TEKT1: variants seen among roughly 807,000 people sequenced by gnomAD.
TEKT1 encodes the protein tektin 1.
Under a neutral mutation model 34.8 loss-of-function variants are expected in TEKT1, and 32 were observed. The ratio of observed to expected loss-of-function variants is 0.92; its 90% CI spans 0.69 to 1.23. The LOEUF (loss-of-function observed/expected upper bound fraction) is 1.23. Among genes scored for constraint, TEKT1 ranks in the 50% most tolerant of loss-of-function variants. TEKT1 has a pLI of 0.00. For missense variants in TEKT1, 492 were observed against 518.5 expected (o/e 0.95, Z 0.50); for synonymous variants, 207 against 199.8 (o/e 1.04, Z -0.30).
At chr17:6,812,731 A>G in intron 6 of TEKT1, 100 bp downstream of exon 6, 3 of 1,161,352 alleles carry the variant, frequency 2.6e-6, no homozygotes, top group Non-Finnish European at 2.5e-6. Context: ...CAATATCCCA[A>G]GCCCAGAAGT....
intron 4 of TEKT1, 138 bp from the exon 5 acceptor site, chr17:6,815,444 A>T: frequency 9.9e-7 from 1 of 1,005,510 alleles, no homozygotes; most frequent in Non-Finnish European, 1.5e-6. Context: ...CATCACCCCA[A>T]CACTCATGCG....
At chr17:6,829,823 G>A (rs977168316) in intron 2 of TEKT1, among the ~76,000 whole-genome samples, 4 of 151,696 alleles carry the variant, frequency 2.6e-5, no homozygotes, top group Non-Finnish European at 5.9e-5. Flanking sequence ...TGGATACAAA[G>A]GGCTGACTGT....
At chr17:6,809,074 C>T (rs1976889648) in intron 6 of TEKT1, among the ~76,000 whole-genome samples, 1 of 152,110 alleles carries the variant, frequency 6.6e-6, no homozygotes, top group Admixed American at 6.5e-5. Flanking sequence ...GCTTTCTCCC[C>T]CCATCCAGGT....
In TEKT1 at chr17:6,800,741, G is replaced by A; in HGVS notation, c.1049+6C>T. On this transcript the variant is annotated splice_donor_region_variant and intron_variant, in intron 7 of 7. Transcript: ENST00000338694. ...AAGGCCCTCTGCCCACTGGCTGCTAGCCTACCTTGCGACATTGTGGGTGAT... is the reference window on the plus strand; with the variant it reads ...AAGGCCCTCTGCCCACTGGCTGCTAACCTACCTTGCGACATTGTGGGTGAT... 6.2e-7 allele frequency: 1 copy of A among 1,607,532 alleles called. No individual in the cohort carries two copies. Among genetic ancestry groups the A allele is most frequent in the Non-Finnish European group, 8.5e-7 (1 of 1,175,472 alleles).
chr17:6,802,715 G>A (rs1185553957), intron 6 of TEKT1, among the ~76,000 whole-genome samples: 2 of 147,092 alleles, frequency 1.4e-5, no homozygotes, highest in South Asian at 2.1e-4. Flanking sequence ...TCCCACCTAT[G>A]AGTGAGAACA....
At position 6,831,665 on chromosome 17, in the gene TEKT1, A is replaced by G. The variant is rs1187749250; in HGVS notation, c.-34T>C. ...TTTACTTACCTCAGCGCCACACAGAACCACTACGCAAGCTCGGGATGGGAG... is the reference window on the plus strand; with the variant it reads ...TTTACTTACCTCAGCGCCACACAGAGCCACTACGCAAGCTCGGGATGGGAG... On this transcript the variant is annotated 5_prime_UTR_variant, in exon 1 of 8. Transcript: ENST00000338694. 1 of 152,114 alleles carries G rather than the reference A, an allele frequency of 6.6e-6. No homozygotes were observed. The highest frequency in any genetic ancestry group is 1.9e-4 in the East Asian group (1 of 5,172). The allele number at this position is 152,114 out of a possible 1,614,324, so 9.4% of individuals were successfully genotyped here. A position where few individuals can be genotyped will look rare whatever the true frequency, so the allele number is the denominator to read the frequency against.
chr17:6,828,689 C>T (rs1435456763), intron 2 of TEKT1, among the ~76,000 whole-genome samples: 1 of 152,094 alleles, frequency 6.6e-6, no homozygotes, highest in African/African-American at 2.4e-5. Flanking sequence ...CCTGCTTGGT[C>T]CCTATAGATA....
In TEKT1 at chr17:6,830,382, G is replaced by A; in HGVS notation, c.-6C>T. 1 of 1,553,776 alleles carries A rather than the reference G, an allele frequency of 6.4e-7. No homozygotes were observed. Among genetic ancestry groups the A allele is most frequent in the Non-Finnish European group, 8.6e-7 (1 of 1,156,462 alleles). On this transcript the variant is annotated 5_prime_UTR_variant, in exon 2 of 8. Transcript: ENST00000338694. Reference sequence around the variant, plus strand: ...GGTTGTAATAGTTTAGCCATTTGAGGTTTCCAAATTCCTGATCAAAAGCAG... The same window carrying A: ...GGTTGTAATAGTTTAGCCATTTGAGATTTCCAAATTCCTGATCAAAAGCAG...
chr17:6,816,137 C>T (rs1444866270), intron 3 of TEKT1, among the ~76,000 whole-genome samples, 175 bp from the exon 4 acceptor site: 2 of 152,200 alleles, frequency 1.3e-5, no homozygotes, highest in South Asian at 2.1e-4. Context: ...TTCAAAATAT[C>T]CAAACACAAT....
At chr17:6,815,765 G>GA in intron 4 of TEKT1, 69 bp downstream of exon 4, 1 of 1,596,828 alleles carries the variant, frequency 6.3e-7, no homozygotes, top group Non-Finnish European at 8.5e-7. Context: ...ATGGAGCCCA[G>GA]CTTTTGTGGA....
chr17:6,817,820 A>G (rs775185277), intron 3 of TEKT1, among the ~76,000 whole-genome samples: 3 of 152,248 alleles, frequency 2.0e-5, no homozygotes, highest in Non-Finnish European at 4.4e-5. Context: ...CAAATGAGCT[A>G]TAAAAGCATA....
intron 1 of TEKT1, among the ~76,000 whole-genome samples, chr17:6,831,435 T>G (rs952778522): frequency 6.6e-5 from 10 of 152,128 alleles, no homozygotes; most frequent in African/African-American, 1.9e-4. Flanking sequence ...ACATGGAGTT[T>G]CTCCGTTTCT....
At chr17:6,831,515 G>A (rs558277264) in intron 1 of TEKT1, 134 bp downstream of exon 1, 5 of 152,164 alleles carry the variant, frequency 3.3e-5, no homozygotes, top group African/African-American at 9.7e-5. Flanking sequence ...TTAACCCAAG[G>A]CTCCTGGATA....
chr17:6,826,358 G>T (rs1048831513), intron 2 of TEKT1, among the ~76,000 whole-genome samples: 2 of 152,040 alleles, frequency 1.3e-5, no homozygotes, highest in African/African-American at 4.8e-5. Flanking sequence ...GGATTTGTCA[G>T]ATATATATAT....
Position 6,815,313 on chromosome 17 carries a change from G to A in TEKT1, c.486-7C>T, listed in dbSNP as rs766269849. ...CTTGGCAGAGCGGTTCATCCTGAAGGGAGAAAGTAAACTGGGTTTCTGCCT... is the reference window on the plus strand; with the variant it reads ...CTTGGCAGAGCGGTTCATCCTGAAGAGAGAAAGTAAACTGGGTTTCTGCCT... On this transcript the variant is annotated splice_region_variant and splice_polypyrimidine_tract_variant and intron_variant, in intron 4 of 7. Coordinates refer to ENST00000338694, the MANE Select transcript of TEKT1 (RefSeq NM_053285.2). 9 of 1,614,150 alleles carry A rather than the reference G, an allele frequency of 5.6e-6. No individual in the cohort carries two copies. In the South Asian group the frequency reaches 9.9e-5, roughly 18 times the overall value.
chr17:6,829,547 T>C (rs1366499179), intron 2 of TEKT1, among the ~76,000 whole-genome samples: 2 of 150,218 alleles, frequency 1.3e-5, no homozygotes, highest in African/African-American at 4.9e-5. Context: ...AGGGTCTTGG[T>C]ATATCACCCA....
At position 6,812,884 on chromosome 17, in the gene TEKT1, C is replaced by G. The variant is rs760080856; in HGVS notation, c.799G>C (p.Gly267Arg). 23 of 1,614,064 alleles carry G rather than the reference C, an allele frequency of 1.4e-5. No individual in the cohort carries two copies. The highest frequency in any genetic ancestry group is 1.9e-5 in the Non-Finnish European group (23 of 1,180,060). Residue 267 changes from glycine to arginine, a missense_variant, in exon 6 of 8, where the codon GGG becomes CGG. Transcript: ENST00000338694. ...CTGGCATCCTTTGTATCCTTCAGCC[C>G]ATTCTTGAATGCCGTGTCCACCACA... ...CDVVDTAFKN[G>R]LKDTKDARDK... is the part of the protein sequence containing the mutation.
rs529561483 is a variant in TEKT1 at position 6,831,668 on chromosome 17, A to C, written c.-37T>G. On this transcript the variant is annotated 5_prime_UTR_variant, in exon 1 of 8. Transcript: ENST00000338694. ...ACTTACCTCAGCGCCACACAGAACC[A>C]CTACGCAAGCTCGGGATGGGAGCCT... 1 of 152,312 alleles carries C rather than the reference A, an allele frequency of 6.6e-6. No homozygotes were observed. Among genetic ancestry groups the C allele is most frequent in the East Asian group, 1.9e-4 (1 of 5,170 alleles). The allele number at this position is 152,312 out of a possible 1,614,324, so 9.4% of individuals were successfully genotyped here.
intron 3 of TEKT1, 44 bp from the exon 4 acceptor site, chr17:6,816,006 G>T: frequency 6.2e-7 from 1 of 1,609,878 alleles, no homozygotes. Flanking sequence ...CGTGCAACAT[G>T]AGGTGACTCA....
Sources: allele counts gnomAD v4.1 joint callset (sites outside exome capture counted in the v4.1 genomes callset), GRCh38; gene constraint gnomAD v4.1.1; transcripts MANE v1.5; gene names NCBI Gene and HGNC (gene_info 2026-07-23, HGNC 2026-07-21).